Variants in TNRC6B observed in about 807,000 individuals in gnomAD.
TNRC6B encodes the protein trinucleotide repeat containing adaptor 6B, also known as trinucleotide repeat-containing gene 6B protein.
A neutral mutation model predicts 203.6 loss-of-function variants in TNRC6B; 52 were observed. The observed-to-expected ratio is 0.26, with a 90% confidence interval of 0.20 to 0.32. TNRC6B has a LOEUF of 0.32. Among genes scored for constraint, TNRC6B ranks in the 10% least tolerant of loss-of-function variants. The pLI, the probability that TNRC6B is intolerant of heterozygous loss-of-function variation, is 1.00. For missense variants in TNRC6B, 1,923 were observed against 2,286.2 expected (o/e 0.84, Z 3.24); for synonymous variants, 838 against 845.7 (o/e 0.99, Z 0.16).
intron 1 of TNRC6B, among the ~76,000 whole-genome samples, chr22:40,238,844 G>A (rs2146460514): frequency 6.6e-6 from 1 of 152,244 alleles, no homozygotes; most frequent in East Asian, 1.9e-4. Flanking sequence ...TCCCCCACTG[G>A]GATGTAAGTC....
chr22:40,248,942 C>T (rs2070146263), intron 2 of TNRC6B, among the ~76,000 whole-genome samples: 1 of 152,182 alleles, frequency 6.6e-6, no homozygotes, highest in Admixed American at 6.5e-5. Flanking sequence ...ACAAAGCTTA[C>T]CATGTGATTA....
intron 1 of TNRC6B, among the ~76,000 whole-genome samples, chr22:40,099,220 C>T (rs976543599): frequency 6.7e-6 from 1 of 149,534 alleles, no homozygotes; most frequent in Non-Finnish European, 1.5e-5. Flanking sequence ...CACCACTGCA[C>T]TCTAGCCTGG....
At chr22:40,151,367 C>T (rs2068751339) in intron 3 of TNRC6B, among the ~76,000 whole-genome samples, 1 of 151,304 alleles carries the variant, frequency 6.6e-6, no homozygotes, top group Non-Finnish European at 1.5e-5. Context: ...AGTTTGAGAC[C>T]AGCCTGGCCA....
intron 1 of TNRC6B, among the ~76,000 whole-genome samples, chr22:40,240,619 A>G (rs1357157775): frequency 2.0e-5 from 3 of 152,216 alleles, no homozygotes; most frequent in Non-Finnish European, 4.4e-5. Flanking sequence ...GCCATAGTAG[A>G]GACTCAGTAA....
intron 1 of TNRC6B, among the ~76,000 whole-genome samples, chr22:40,202,778 G>A (rs973488433): frequency 6.6e-6 from 1 of 152,054 alleles, no homozygotes; most frequent in Admixed American, 6.6e-5. Flanking sequence ...TGCGTGGAGG[G>A]GATAACTGCA....
chr22:40,218,858 G>A (rs564300464), intron 1 of TNRC6B, among the ~76,000 whole-genome samples: 1 of 152,348 alleles, frequency 6.6e-6, no homozygotes, highest in African/African-American at 2.4e-5. Flanking sequence ...CCACGTGAAT[G>A]TCGAGCTTTT....
intron 3 of TNRC6B, among the ~76,000 whole-genome samples, chr22:40,132,943 C>CAAAAAAA (rs71199270): frequency 4.2e-5 from 1 of 23,872 alleles, no homozygotes; most frequent in Non-Finnish European, 6.3e-5. Flanking sequence ...GACTCTGTCT[C>CAAAAAAA]AAAAAAAAAA....
chr22:40,056,179 G>A (rs1011085653), intron 1 of TNRC6B, among the ~76,000 whole-genome samples: 7 of 152,134 alleles, frequency 4.6e-5, no homozygotes. Flanking sequence ...GTTGCTTTCA[G>A]TTGCAGGATG....
chr22:40,097,273 A>G (rs1052205190), intron 1 of TNRC6B, among the ~76,000 whole-genome samples: 4 of 151,808 alleles, frequency 2.6e-5, no homozygotes, highest in African/African-American at 4.9e-5. Context: ...CTTGCATCCT[A>G]TTCCTCAGGT....
intron 4 of TNRC6B, among the ~76,000 whole-genome samples, chr22:40,163,480 A>T (rs6001811): frequency 3.0e-5 from 2 of 66,206 alleles, no homozygotes; most frequent in African/African-American, 1.3e-4. Flanking sequence ...AAAAAAAAAA[A>T]GGCCAGGCAC....
At chr22:40,231,112 C>G (rs2146450265) in intron 1 of TNRC6B, among the ~76,000 whole-genome samples, 1 of 152,034 alleles carries the variant, frequency 6.6e-6, no homozygotes, top group East Asian at 1.9e-4. Context: ...AACTTTTTGT[C>G]TATAGAAAAA....
At chr22:40,097,666 TCATACACA>T (rs2068196109) in intron 1 of TNRC6B, among the ~76,000 whole-genome samples, 1 of 95,106 alleles carries the variant, frequency 1.1e-5, no homozygotes, top group African/African-American at 4.2e-5. Flanking sequence ...TTCAGGTATA[TCATACACA>T]CACACACACA....
At chr22:40,282,215 A>T (rs1444267061) in intron 11 of TNRC6B, among the ~76,000 whole-genome samples, 1 of 152,222 alleles carries the variant, frequency 6.6e-6, no homozygotes, top group Non-Finnish European at 1.5e-5. Context: ...TAACTTCCAC[A>T]TACACGTTAC....
Position 40,261,821 on chromosome 22 carries a change from C to G in TNRC6B, c.116-11C>G. 6.5e-7 allele frequency: 1 copy of G among 1,531,238 alleles called. No homozygotes were observed. The highest frequency in any genetic ancestry group is 8.9e-7 in the Non-Finnish European group (1 of 1,124,076). The allele number at this position is 1,531,238 out of a possible 1,614,324, so 94.9% of individuals were successfully genotyped here. On this transcript the variant is annotated splice_polypyrimidine_tract_variant and intron_variant, in intron 3 of 22. Transcript: ENST00000454349. ...TATTTCAAAGACTGTTTCCCAACCC[C>G]TCTCTTTTAGTGCCCGAAGTGACGA...
chr22:40,081,954 C>T (rs1199404253), intron 1 of TNRC6B, among the ~76,000 whole-genome samples: 2 of 152,012 alleles, frequency 1.3e-5, no homozygotes, highest in African/African-American at 2.4e-5. Flanking sequence ...TCATCTTTAA[C>T]TTTGCTTCCC....
intron 3 of TNRC6B, among the ~76,000 whole-genome samples, chr22:40,144,366 C>T (rs918809927): frequency 7.9e-5 from 12 of 152,160 alleles, no homozygotes; most frequent in African/African-American, 2.9e-4. Flanking sequence ...TGCAGTGGAA[C>T]ACTACTAAGT....
chr22:40,197,588 A>G (rs2069357915), intron 1 of TNRC6B, among the ~76,000 whole-genome samples: 1 of 149,162 alleles, frequency 6.7e-6, no homozygotes, highest in African/African-American at 2.5e-5. Context: ...CACCCAGCCG[A>G]AAGGCGTTTT....
At chr22:40,221,715 A>T (rs564895179) in intron 1 of TNRC6B, among the ~76,000 whole-genome samples, 1 of 150,096 alleles carries the variant, frequency 6.7e-6, no homozygotes, top group East Asian at 2.0e-4. Flanking sequence ...CGGGGATTAC[A>T]GGTGTGAGCC....
chr22:40,318,270 G>A (rs1019787512), intron 21 of TNRC6B, among the ~76,000 whole-genome samples: 17 of 152,022 alleles, frequency 1.1e-4, no homozygotes, highest in East Asian at 3.9e-4. Flanking sequence ...AGTTACGGCC[G>A]GGCACGGTGG....
Sources: allele counts gnomAD v4.1 joint callset (sites outside exome capture counted in the v4.1 genomes callset), GRCh38; gene constraint gnomAD v4.1.1; transcripts MANE v1.5; gene names NCBI Gene and HGNC (gene_info 2026-07-23, HGNC 2026-07-21).